BCL7A: variants seen among roughly 807,000 people sequenced by gnomAD.
BCL7A encodes the protein BAF chromatin remodeling complex subunit BCL7A.
A neutral mutation model predicts 28.4 loss-of-function variants in BCL7A; 11 were observed. That is an observed-to-expected ratio of 0.39 (90% CI 0.24 to 0.64). The LOEUF (loss-of-function observed/expected upper bound fraction) is 0.64, where lower values mean the gene tolerates loss of function less well. Among genes scored for constraint, BCL7A ranks in the 30% least tolerant of loss-of-function variants. The pLI is 0.50. For missense variants in BCL7A, 222 were observed against 274.8 expected, an observed-to-expected ratio of 0.81 and a Z score of 1.36; for synonymous variants, 123 against 103.3, an observed-to-expected ratio of 1.19 and a Z score of -1.15.
chr12:122,050,298 T>G (rs1184700177), intron 4 of BCL7A, among the ~76,000 whole-genome samples: 4 of 118,632 alleles, frequency 3.4e-5, no homozygotes, highest in African/African-American at 1.1e-4. Flanking sequence ...TTCTTTATTG[T>G]GGGGGGGGGG....
chr12:122,049,464 C>G (rs1884147735), intron 4 of BCL7A, among the ~76,000 whole-genome samples: 1 of 151,868 alleles, frequency 6.6e-6, no homozygotes, highest in African/African-American at 2.4e-5. Context: ...GGTGGATCAC[C>G]TGAGGTCAGG....
intron 4 of BCL7A, among the ~76,000 whole-genome samples, chr12:122,048,607 T>C (rs1264673461): frequency 6.6e-6 from 1 of 151,948 alleles, no homozygotes; most frequent in Non-Finnish European, 1.5e-5. Context: ...TAAAATTAGC[T>C]GGATGTGGTA....
At chr12:122,050,409 C>T (rs962116761) in intron 4 of BCL7A, among the ~76,000 whole-genome samples, 2 of 152,152 alleles carry the variant, frequency 1.3e-5, no homozygotes, top group Non-Finnish European at 2.9e-5. Flanking sequence ...GGGGTAAAAT[C>T]ACCCCCTGCT....
intron 3 of BCL7A, among the ~76,000 whole-genome samples, chr12:122,041,558 G>C (rs1883965968): frequency 6.6e-6 from 1 of 152,038 alleles, no homozygotes; most frequent in African/African-American, 2.4e-5. Flanking sequence ...TGAGCCCAGG[G>C]GTCCAAGACA....
At chr12:122,024,378 C>T (rs938356468) in intron 1 of BCL7A, among the ~76,000 whole-genome samples, 1 of 151,990 alleles carries the variant, frequency 6.6e-6, no homozygotes, top group South Asian at 2.1e-4. Context: ...GAGAGCACCG[C>T]GCCCTGGGCG....
chr12:122,050,490 C>T (rs1284404851), intron 4 of BCL7A, among the ~76,000 whole-genome samples: 1 of 152,202 alleles, frequency 6.6e-6, no homozygotes, highest in Middle Eastern at 3.2e-3. Flanking sequence ...CTCTCATCTC[C>T]CCTCATGGCC....
intron 2 of BCL7A, among the ~76,000 whole-genome samples, chr12:122,032,753 G>A (rs371848177): frequency 1.4e-4 from 22 of 152,264 alleles, no homozygotes; most frequent in Admixed American, 4.6e-4. Flanking sequence ...ATATCACCAC[G>A]GAGAATACTT....
In BCL7A at chr12:122,029,670, G is replaced by A. The variant is rs756332815; in HGVS notation, c.93-1030G>A. On this transcript the variant is annotated intron_variant, in intron 1 of 5. Transcript: ENST00000261822. The surrounding 1 kb of genome is among the most constrained non-coding windows in gnomAD (Gnocchi z 4.3). ...CCATCAGTGGCTCCTTGGTGGCCTC[G>A]CAGGTCTCCTGATCTGGCAGAGTCT... 6.6e-6 allele frequency among the ~76,000 whole-genome samples: 1 copy of A among 152,112 alleles called. No homozygotes were observed. The highest frequency in any genetic ancestry group is 1.5e-5 in the Non-Finnish European group (1 of 68,016).
At chr12:122,058,041 A>G (rs34906460) in intron 5 of BCL7A, among the ~76,000 whole-genome samples, 5,613 of 151,954 alleles carry the variant, frequency 0.037, 154 homozygotes, top group South Asian at 0.077. Context: ...AACTTAAAAA[A>G]AAAAAATCAT....
chr12:122,024,404 C>G (rs1883565016), intron 1 of BCL7A, among the ~76,000 whole-genome samples: 1 of 151,110 alleles, frequency 6.6e-6, no homozygotes, highest in South Asian at 2.1e-4. Flanking sequence ...GGAGCTGTTG[C>G]TCAGTGTTGT....
chr12:122,031,390 G>T (rs895859283), intron 2 of BCL7A, among the ~76,000 whole-genome samples: 2 of 152,118 alleles, frequency 1.3e-5, no homozygotes, highest in South Asian at 4.1e-4. Context: ...TTTGGGGCAG[G>T]TGTGGTGGTG....
intron 5 of BCL7A, among the ~76,000 whole-genome samples, chr12:122,056,424 G>A (rs772441209): frequency 1.8e-4 from 27 of 152,018 alleles, no homozygotes; most frequent in Non-Finnish European, 3.5e-4. Context: ...CAGGCACACC[G>A]ACACACATAT....
chr12:122,042,649 CA>C (rs55633660), intron 3 of BCL7A, among the ~76,000 whole-genome samples: 36,711 of 117,238 alleles, frequency 0.31, 4,716 homozygotes, highest in Admixed American at 0.4. Flanking sequence ...GACTCCATCT[CA>C]AAAAAAAAAA....
chr12:122,043,839 G>A lies in BCL7A; in HGVS notation c.272-47G>A, dbSNP rs180907941. 9.7e-6 allele frequency: 15 copies of A among 1,553,588 alleles called. No homozygotes were observed. The Admixed American group carries it at 2.3e-4, about 24-fold the overall frequency. On this transcript the variant is annotated intron_variant, in intron 3 of 5. Transcript: ENST00000261822. ...TGAGCCCTCTGACCTACCCGTCCTTGGCAGCTGTGGGATTTCATCCTGTGG... is the reference window on the plus strand; with the variant it reads ...TGAGCCCTCTGACCTACCCGTCCTTAGCAGCTGTGGGATTTCATCCTGTGG...
rs1951909810 is a variant in BCL7A at position 122,060,255 on chromosome 12, G to A, written c.*1092G>A. The A allele has an allele frequency of 1.7e-5, 4 of 232,896 alleles. No homozygotes were observed. Among genetic ancestry groups the A allele is most frequent in the Admixed American group, 5.6e-5 (1 of 17,768 alleles). The allele number at this position is 232,896 out of a possible 1,614,324, so 14.4% of individuals were successfully genotyped here. A position where few individuals can be genotyped will look rare whatever the true frequency, so the allele number is the denominator to read the frequency against. ...CAGGATCGCAGTGGTCAGAATCCAC[G>A]TGCTTTCCTATTCTCAGGCTGTTCT... On this transcript the variant is annotated 3_prime_UTR_variant, in exon 6 of 6. Coordinates refer to ENST00000261822, the MANE Select transcript of BCL7A (RefSeq NM_001024808.3).
intron 1 of BCL7A, among the ~76,000 whole-genome samples, chr12:122,023,238 A>C (rs2135834265): frequency 6.6e-6 from 1 of 152,182 alleles, no homozygotes; most frequent in African/African-American, 2.4e-5. Context: ...CCTGATTTCA[A>C]CTTTATTATT....
At chr12:122,030,356 C>A (rs1360154579) in intron 1 of BCL7A, among the ~76,000 whole-genome samples, 1 of 152,232 alleles carries the variant, frequency 6.6e-6, no homozygotes, top group Non-Finnish European at 1.5e-5. Flanking sequence ...CCCAGACAGG[C>A]GCGGGTGGCC....
chr12:122,047,280 T>C (rs1056552939), intron 4 of BCL7A, among the ~76,000 whole-genome samples: 4 of 150,940 alleles, frequency 2.7e-5, no homozygotes, highest in African/African-American at 9.7e-5. Flanking sequence ...TCCCCGCACT[T>C]TGGGAGGCTG....
chr12:122,035,504 T>C (rs893886636), intron 3 of BCL7A, 77 bp downstream of exon 3: 3 of 1,370,426 alleles, frequency 2.2e-6, no homozygotes, highest in Non-Finnish European at 3.1e-6. Flanking sequence ...TTTTTGTTTC[T>C]CCAGCAGGTT....
Sources: allele counts gnomAD v4.1 joint callset (sites outside exome capture counted in the v4.1 genomes callset), GRCh38; gene constraint gnomAD v4.1.1; non-coding constraint Gnocchi (gnomAD v3.1); transcripts MANE v1.5; gene names NCBI Gene and HGNC (gene_info 2026-07-23, HGNC 2026-07-21).